Variants in ELF1 observed in about 807,000 individuals in gnomAD.
ELF1 encodes E74 like ETS transcription factor 1.
A neutral mutation model predicts 59.9 loss-of-function variants in ELF1; 24 were observed. The observed-to-expected ratio is 0.40, with a 90% CI of 0.29 to 0.56. The LOEUF (loss-of-function observed/expected upper bound fraction) is 0.56, where lower values mean the gene tolerates loss of function less well. Among genes scored for constraint, ELF1 ranks in the 20% least tolerant of loss-of-function variants. ELF1 has a pLI of 0.44. For synonymous variants in ELF1, 248 were observed against 266.2 expected, an observed-to-expected ratio of 0.93 and a Z score of 0.67; for missense variants, 627 against 742.2, an observed-to-expected ratio of 0.84 and a Z score of 1.80.
Position 40,934,039 on chromosome 13 carries a change from G to A in ELF1, c.1257-11C>T. 1 of 1,590,240 alleles carries A rather than the reference G, an allele frequency of 6.3e-7. No homozygotes were observed. The highest frequency in any genetic ancestry group is 8.6e-7 in the Non-Finnish European group (1 of 1,166,108). On this transcript the variant is annotated splice_polypyrimidine_tract_variant and intron_variant, in intron 8 of 8. Transcript: ENST00000239882. ...GGAGCCTGTATAGTCCTATTGAGAT[G>A]ATGAAATTAAAGTGAGACAATTAGC...
At chr13:41,058,280 C>CT (rs1180302003) in intron 1 of ELF1, among the ~76,000 whole-genome samples, 4 of 152,332 alleles carry the variant, frequency 2.6e-5, no homozygotes, top group African/African-American at 9.6e-5. Context: ...CCTGCAGGCA[C>CT]TCTGTGCTCC....
chr13:41,007,194 C>T (rs772972013), intron 1 of ELF1, among the ~76,000 whole-genome samples: 57 of 152,074 alleles, frequency 3.7e-4, no homozygotes, highest in Non-Finnish European at 5.7e-4. Context: ...ACCTCAGAAA[C>T]GCCCTGTGTG....
intron 2 of ELF1, among the ~76,000 whole-genome samples, chr13:40,962,679 C>CAAA (rs542393144): frequency 7.2e-5 from 5 of 69,188 alleles, no homozygotes; most frequent in African/African-American, 1.1e-4. Context: ...AAGACTGTCT[C>CAAA]AAAAAAAAAA....
intron 2 of ELF1, among the ~76,000 whole-genome samples, chr13:40,970,172 C>T (rs1470965834): frequency 1.3e-5 from 2 of 152,126 alleles, no homozygotes; most frequent in African/African-American, 4.8e-5. Context: ...AATCAAGTGT[C>T]GTCAAGATTA....
intron 2 of ELF1, among the ~76,000 whole-genome samples, chr13:40,972,149 T>C (rs1048616379): frequency 6.6e-6 from 1 of 152,152 alleles, no homozygotes; most frequent in East Asian, 1.9e-4. Context: ...AAGAATCTTA[T>C]ACAATATGTA....
At chr13:41,021,209 C>T (rs1379128045), upstream of ELF1, among the ~76,000 whole-genome samples, 4 of 152,250 alleles carry the variant, frequency 2.6e-5, no homozygotes, top group African/African-American at 9.6e-5. Context: ...TTGAGAAAAT[C>T]CATTTATATA....
Position 40,933,709 on chromosome 13 carries a change from G to T in ELF1, c.1576C>A (p.Pro526Thr). 6.2e-7 allele frequency: 1 copy of T among 1,614,272 alleles called. No individual in the cohort carries two copies. The highest frequency in any genetic ancestry group is 8.5e-7 in the Non-Finnish European group (1 of 1,180,050). Residue 526 changes from proline (P) to threonine (T), a missense_variant, in exon 9 of 9, where the codon CCA becomes ACA. Physicochemically the swap from Pro to Thr is conservative, Grantham distance 38. This residue lies in a region of ELF1 where 361 missense variants were observed against 396.1 expected (regional missense o/e 0.91). Transcript: ENST00000239882. ...ACAGGTGCAGTAGCACTGAAGGATG[G>T]AGAGGAAGCCACACTGACGGTTCCA... ...CNGTVSVASS[P>T]SFSATAPVVT... is the part of the protein sequence containing the mutation.
chr13:40,952,291 T>A (rs917991762), intron 3 of ELF1, among the ~76,000 whole-genome samples: 2 of 152,108 alleles, frequency 1.3e-5, no homozygotes, highest in Non-Finnish European at 2.9e-5. Flanking sequence ...TAAAAAAAAA[T>A]TTATGTATTT....
intron 1 of ELF1, among the ~76,000 whole-genome samples, chr13:41,012,547 T>G (rs1051917902): frequency 3.1e-4 from 32 of 102,324 alleles, no homozygotes; most frequent in African/African-American, 1.1e-3. Context: ...TTTCTTTTCT[T>G]TTTTTTTTTT....
At chr13:40,974,136 G>A (rs563293901) in intron 2 of ELF1, among the ~76,000 whole-genome samples, 58 of 152,182 alleles carry the variant, frequency 3.8e-4, no homozygotes, top group African/African-American at 1.3e-3. Context: ...TAAAACCATT[G>A]ATTTGTACAC....
intron 1 of ELF1, among the ~76,000 whole-genome samples, chr13:41,016,955 TATATATATATATATATATATATATA>T (rs989032371): frequency 1.1e-5 from 1 of 93,758 alleles, no homozygotes; most frequent in Non-Finnish European, 2.0e-5. Flanking sequence ...AAAATATATA[TATATATATATATATATATATATATA>T]TGAGCTAAAA....
At chr13:41,001,122 G>A (rs1386326610) in intron 1 of ELF1, among the ~76,000 whole-genome samples, 3 of 151,664 alleles carry the variant, frequency 2.0e-5, no homozygotes, top group Non-Finnish European at 4.4e-5. Flanking sequence ...GATTACAGGT[G>A]CCCACCACCA....
chr13:40,958,963 A>G lies in ELF1; in HGVS notation c.126T>C (p.Ala42=). 6.2e-7 allele frequency: 1 copy of G among 1,613,842 alleles called. No individual in the cohort carries two copies. The highest frequency in any genetic ancestry group is 8.5e-7 in the Non-Finnish European group (1 of 1,179,886). Residue 42 remains alanine (A), a synonymous_variant, in exon 3 of 9, where the codon GCT becomes GCC. Coordinates refer to ENST00000239882, the MANE Select transcript of ELF1 (RefSeq NM_172373.4). Reference sequence around the variant, plus strand: ...GACCGGCATAACTATTGAGAATATCAGCACCAGGAACATGTTCCACAATTA... The same window carrying G: ...GACCGGCATAACTATTGAGAATATCGGCACCAGGAACATGTTCCACAATTA... ...PAVIVEHVPG[A]DILNSYAGLA... is the part of the protein sequence containing the mutation.
At position 40,956,276 on chromosome 13, in the gene ELF1, C is replaced by G. The variant is rs1871420684; in HGVS notation, c.253+2560G>C. Among the ~76,000 whole-genome samples the G allele has an allele frequency of 2.0e-5, 3 of 152,062 alleles. No homozygotes were observed. In the South Asian group the frequency reaches 6.2e-4, roughly 32 times the overall value. ...TCCTGTTGATCTGTGACCTTACCCCCAACCCTGTGCTCTCTGAAACATGTG... is the reference window on the plus strand; with the variant it reads ...TCCTGTTGATCTGTGACCTTACCCCGAACCCTGTGCTCTCTGAAACATGTG... On this transcript the variant is annotated intron_variant, in intron 3 of 8. Coordinates refer to ENST00000239882, the MANE Select transcript of ELF1 (RefSeq NM_172373.4).
chr13:41,015,679 G>A (rs1875317702), intron 1 of ELF1, among the ~76,000 whole-genome samples: 1 of 152,084 alleles, frequency 6.6e-6, no homozygotes, highest in African/African-American at 2.4e-5. Flanking sequence ...TTACACCAAA[G>A]GTTGACAATT....
At chr13:40,975,879 C>T (rs1872876026) in intron 2 of ELF1, among the ~76,000 whole-genome samples, 1 of 151,960 alleles carries the variant, frequency 6.6e-6, no homozygotes, top group Non-Finnish European at 1.5e-5. Flanking sequence ...TTTAAGAGGA[C>T]TCAGTGATAT....
chr13:40,973,190 C>T (rs1165764313), intron 2 of ELF1, among the ~76,000 whole-genome samples: 3 of 152,168 alleles, frequency 2.0e-5, no homozygotes, highest in African/African-American at 7.2e-5. Flanking sequence ...CTTTAATCTT[C>T]GCATCATCCT....
chr13:40,941,504 G>T, intron 7 of ELF1, 134 bp from the exon 8 acceptor site: 1 of 794,438 alleles, frequency 1.3e-6, no homozygotes, highest in African/African-American at 1.7e-5. Flanking sequence ...TAAATAAAGG[G>T]CTGTTATTTT....
chr13:41,025,206 T>C (rs1383831715), intron 1 of ELF1, among the ~76,000 whole-genome samples: 1 of 152,104 alleles, frequency 6.6e-6, no homozygotes, highest in African/African-American at 2.4e-5. Context: ...CCTGAATTGC[T>C]CCATTCCTAT....
Sources: allele counts gnomAD v4.1 joint callset (sites outside exome capture counted in the v4.1 genomes callset), GRCh38; gene constraint gnomAD v4.1.1; regional missense constraint gnomAD v4.1.1; transcripts MANE v1.5; gene names NCBI Gene and HGNC (gene_info 2026-07-23, HGNC 2026-07-21).